Variants in TMEM217B observed in about 807,000 individuals in gnomAD.
TMEM217B encodes transmembrane protein 217B.
the TMEM217B span, among the ~76,000 whole-genome samples, chr6:37,241,216 G>A: frequency 2.7e-5 from 4 of 150,272 alleles, 1 homozygote; most frequent in South Asian, 8.4e-4. Flanking sequence ...CAAGTAGTTA[G>A]AACTACAGCT....
At chr6:37,255,921 T>C in the TMEM217B span, among the ~76,000 whole-genome samples, 4 of 152,178 alleles carry the variant, frequency 2.6e-5, no homozygotes, top group African/African-American at 9.7e-5. Flanking sequence ...GAAACTGATA[T>C]AGAAAACAAA....
chr6:37,249,334 G>C, the TMEM217B span, among the ~76,000 whole-genome samples: 1 of 151,672 alleles, frequency 6.6e-6, no homozygotes, highest in Non-Finnish European at 1.5e-5. Flanking sequence ...TTTTTTTGAG[G>C]GGGGAGACAA....
At chr6:37,225,372 T>TA in the TMEM217B span, among the ~76,000 whole-genome samples, 1 of 151,976 alleles carries the variant, frequency 6.6e-6, no homozygotes, top group African/African-American at 2.4e-5. Context: ...TCATCATAGT[T>TA]TAAAAAAAAC....
At chr6:37,216,931 TGGCACC>T in the TMEM217B span, among the ~76,000 whole-genome samples, 1 of 152,196 alleles carries the variant, frequency 6.6e-6, no homozygotes, top group Non-Finnish European at 1.5e-5. Flanking sequence ...CCAAACCTAC[TGGCACC>T]TTGATATTGA....
the TMEM217B span, among the ~76,000 whole-genome samples, chr6:37,227,760 T>A: frequency 6.6e-6 from 1 of 151,816 alleles, no homozygotes; most frequent in Non-Finnish European, 1.5e-5. Context: ...AAATGTTTAT[T>A]ATTATCATTA....
chr6:37,224,491 G>A, the TMEM217B span, among the ~76,000 whole-genome samples: 6 of 151,730 alleles, frequency 4.0e-5, no homozygotes, highest in Non-Finnish European at 8.8e-5. Flanking sequence ...CCAGCTACTC[G>A]GGAGGCTGAG....
the TMEM217B span, among the ~76,000 whole-genome samples, chr6:37,234,084 G>C: frequency 6.7e-6 from 1 of 148,400 alleles, no homozygotes; most frequent in African/African-American, 2.5e-5. Flanking sequence ...TGTTTGGTAG[G>C]TTAGGTGTAT....
At chr6:37,222,618 C>G in the TMEM217B span, among the ~76,000 whole-genome samples, 1 of 152,210 alleles carries the variant, frequency 6.6e-6, no homozygotes, top group Non-Finnish European at 1.5e-5. Context: ...TGCAGCTGCA[C>G]CTGGGAGGGC....
At chr6:37,242,612 AC>A in the TMEM217B span, among the ~76,000 whole-genome samples, 1 of 152,172 alleles carries the variant, frequency 6.6e-6, no homozygotes, top group Non-Finnish European at 1.5e-5. Flanking sequence ...AAATCACACT[AC>A]TTCATACAAA....
the TMEM217B span, chr6:37,257,989 T>G: frequency 6.2e-7 from 1 of 1,613,688 alleles, no homozygotes; most frequent in African/African-American, 1.3e-5. Context: ...CCCAGGACGC[T>G]GAGAGGGATA....
At chr6:37,248,963 G>T in the TMEM217B span, among the ~76,000 whole-genome samples, 1 of 152,134 alleles carries the variant, frequency 6.6e-6, no homozygotes, top group Admixed American at 6.5e-5. Context: ...GGTTCTGGTG[G>T]CTCCAGGTAT....
At chr6:37,253,620 T>G in the TMEM217B span, among the ~76,000 whole-genome samples, 1 of 152,216 alleles carries the variant, frequency 6.6e-6, no homozygotes, top group Non-Finnish European at 1.5e-5. Context: ...CACAGTGCAT[T>G]GTGAGGGCTG....
the TMEM217B span, among the ~76,000 whole-genome samples, chr6:37,251,494 T>C: frequency 3.3e-5 from 5 of 152,246 alleles, no homozygotes; most frequent in Non-Finnish European, 7.3e-5. Context: ...GAACGATATA[T>C]TGCAGTTAAG....
the TMEM217B span, among the ~76,000 whole-genome samples, chr6:37,225,503 A>G: frequency 1.3e-5 from 2 of 152,200 alleles, no homozygotes; most frequent in African/African-American, 4.8e-5. Flanking sequence ...AAAAAAATAA[A>G]AAGAGTGGAA....
At chr6:37,222,256 G>C in the TMEM217B span, among the ~76,000 whole-genome samples, 1 of 152,192 alleles carries the variant, frequency 6.6e-6, no homozygotes, top group East Asian at 1.9e-4. Flanking sequence ...CTGAGGGTGG[G>C]GCCTTACTGA....
the TMEM217B span, among the ~76,000 whole-genome samples, chr6:37,242,478 G>T: frequency 6.6e-6 from 1 of 152,300 alleles, no homozygotes; most frequent in African/African-American, 2.4e-5. Context: ...TTAACTCTCT[G>T]AGTGGGGAAG....
chr6:37,254,760 A>G, the TMEM217B span, among the ~76,000 whole-genome samples: 1 of 152,222 alleles, frequency 6.6e-6, no homozygotes, highest in Non-Finnish European at 1.5e-5. Flanking sequence ...GGAACAAAAC[A>G]AAGTCCCAGT....
At chr6:37,243,510 G>A in the TMEM217B span, among the ~76,000 whole-genome samples, 1 of 152,228 alleles carries the variant, frequency 6.6e-6, no homozygotes, top group Non-Finnish European at 1.5e-5. Context: ...TAAAGAAAGA[G>A]TTTAATTGAT....
the TMEM217B span, among the ~76,000 whole-genome samples, chr6:37,213,349 A>G: frequency 1.3e-5 from 2 of 152,228 alleles, no homozygotes; most frequent in African/African-American, 4.8e-5. Flanking sequence ...GGTATGAACG[A>G]AGCTCCCATC....
Sources: gnomAD v4.1 joint callset for allele counts (sites outside exome capture counted in the v4.1 genomes callset) on GRCh38, gnomAD v4.1.1 for gene constraint, MANE v1.5 for transcripts, NCBI Gene and HGNC (gene_info 2026-07-23, HGNC 2026-07-21) for gene names.